Variants in LPA observed in about 807,000 individuals in gnomAD.
LPA encodes lipoprotein(a).
LPA carries 199 observed loss-of-function variants against 197.9 expected under a neutral mutation model. That is an observed-to-expected ratio of 1.01 (90% CI 0.90 to 1.13). The LOEUF (loss-of-function observed/expected upper bound fraction) is 1.13. LPA is among the 50% of genes most tolerant of loss of function. The pLI, the probability that LPA is intolerant of heterozygous loss-of-function variation, is 0.00. For missense variants in LPA, 1,853 were observed against 1,785.8 expected, an observed-to-expected ratio of 1.04 and a Z score of -0.68; for synonymous variants, 715 against 639.5, an observed-to-expected ratio of 1.12 and a Z score of -1.78.
chr6:160,584,946 A>G, intron 26 of LPA, 100 bp downstream of exon 26: 4 of 1,235,448 alleles, frequency 3.2e-6, no homozygotes, highest in South Asian at 1.2e-5. Context: ...CTCTGAGTCT[A>G]TGAGAAATTT....
Position 160,537,854 on chromosome 6 carries a change from C to T in LPA, c.5842+1G>A. 6.2e-7 allele frequency: 1 copy of T among 1,613,800 alleles called. No individual in the cohort carries two copies. The highest frequency in any genetic ancestry group is 8.5e-7 in the Non-Finnish European group (1 of 1,179,696). The stretch of plus-strand genomic sequence containing the variant: ...TACGTGGGCAATGGAATTGATCTCA[C>T]CTTGGGTTTCTCCCCAGCCAGTGAT... On this transcript the variant is annotated splice_donor_variant, in intron 37 of 38. Transcript: ENST00000316300. LOFTEE classifies it high-confidence loss of function.
intron 7 of LPA, among the ~76,000 whole-genome samples, chr6:160,634,717 C>A (rs1474113491): frequency 2.0e-5 from 3 of 152,000 alleles, no homozygotes; most frequent in African/African-American, 7.3e-5. Context: ...GCTCCAGAGC[C>A]ACATTTTTTG....
chr6:160,562,446 G>A (rs1383912379), intron 28 of LPA, among the ~76,000 whole-genome samples: 3 of 152,176 alleles, frequency 2.0e-5, no homozygotes, highest in Non-Finnish European at 4.4e-5. Context: ...TAAGCTTTTT[G>A]ATGTGCTGCT....
chr6:160,576,396 A>ATATACATATATATATATATATATGTGTG (rs1583590589), intron 28 of LPA, among the ~76,000 whole-genome samples: 1 of 46,944 alleles, frequency 2.1e-5, no homozygotes. Flanking sequence ...ATATGTATAT[A>ATATACATATATATATATATATATGTGTG]TATATATATA....
intron 28 of LPA, among the ~76,000 whole-genome samples, chr6:160,576,396 A>ATATATATATATATATATGTG (rs1778675469): frequency 6.4e-5 from 3 of 46,944 alleles, no homozygotes; most frequent in Non-Finnish European, 7.1e-5. Flanking sequence ...ATATGTATAT[A>ATATATATATATATATATGTG]TATATATATA....
chr6:160,656,082 T>G (rs1181137027), intron 1 of LPA, among the ~76,000 whole-genome samples: 1 of 152,202 alleles, frequency 6.6e-6, no homozygotes, highest in African/African-American at 2.4e-5. Context: ...CAGCTGCAAT[T>G]GGAGTCACCA....
intron 28 of LPA, among the ~76,000 whole-genome samples, chr6:160,568,588 G>A (rs551153735): frequency 2.6e-5 from 4 of 152,318 alleles, no homozygotes; most frequent in South Asian, 4.1e-4. Flanking sequence ...AGACAGGGAT[G>A]CCCTCTCTCA....
chr6:160,548,421 G>C, intron 31 of LPA, 57 bp downstream of exon 31: 1 of 1,564,154 alleles, frequency 6.4e-7, no homozygotes, highest in Non-Finnish European at 8.8e-7. Context: ...TTTTCATCCC[G>C]TTGTCCAAGC....
chr6:160,543,185 G>A (rs1434292489), intron 33 of LPA, among the ~76,000 whole-genome samples: 1 of 152,112 alleles, frequency 6.6e-6, no homozygotes, highest in African/African-American at 2.4e-5. Context: ...CAGTTCTTCT[G>A]GGGAGCCTCC....
At position 160,580,542 on chromosome 6, in the gene LPA, G is replaced by T. The variant is rs140539328; in HGVS notation, c.4290-1838C>A. Among the ~76,000 whole-genome samples the T allele has an allele frequency of 2.0e-5, 3 of 152,204 alleles. No individual in the cohort carries two copies. The East Asian group carries it at 5.8e-4, about 29-fold the overall frequency. Reference sequence around the variant, plus strand: ...AACTTCCACCAGCATATGAGAGAGTGGCACATTCTAGCTCCAAATCGGTGA... The same window carrying T: ...AACTTCCACCAGCATATGAGAGAGTTGCACATTCTAGCTCCAAATCGGTGA... On this transcript the variant is annotated intron_variant, in intron 26 of 38. Transcript: ENST00000316300.
At chr6:160,597,828 T>C (rs1779162481) in intron 20 of LPA, among the ~76,000 whole-genome samples, 2 of 152,232 alleles carry the variant, frequency 1.3e-5, no homozygotes, top group African/African-American at 4.8e-5. Context: ...TAAATGCTTT[T>C]TTATGTGTAG....
rs765540048 is a variant in LPA at position 160,531,682 on chromosome 6, G to C, written c.*47C>G. On this transcript the variant is annotated 3_prime_UTR_variant, in exon 39 of 39. Coordinates refer to ENST00000316300, the MANE Select transcript of LPA (RefSeq NM_005577.4). ...TCCAGCATGCTAAATCCTTACCCACGTTTCAGCTTCTAAGTAGGTTGATGC... is the reference window on the plus strand; with the variant it reads ...TCCAGCATGCTAAATCCTTACCCACCTTTCAGCTTCTAAGTAGGTTGATGC... The C allele has an allele frequency of 6.2e-7, 1 of 1,609,126 alleles. No individual in the cohort carries two copies. Among genetic ancestry groups the C allele is most frequent in the Non-Finnish European group, 8.5e-7 (1 of 1,175,618 alleles).
rs1357043442 is a variant in LPA, at chr6:160,576,380, A to G, written c.4631+756T>C. ...TATATATATATACATATATATATAT[A>G]TATATATATGTATATATATATATAT... On this transcript the variant is annotated intron_variant, in intron 28 of 38. Transcript: ENST00000316300. 3.1e-4 allele frequency among the ~76,000 whole-genome samples: 19 copies of G among 60,374 alleles called. 1 individual carries two copies. Among genetic ancestry groups the G allele is most frequent in the African/African-American group, 1.7e-3 (17 of 10,148 alleles). 39.6% of individuals were successfully genotyped at this position (60,374 alleles called of 152,430 possible).
chr6:160,654,063 TATTATATATAATA>T (rs1780081467), intron 1 of LPA, among the ~76,000 whole-genome samples: 1 of 37,962 alleles, frequency 2.6e-5, no homozygotes, highest in African/African-American at 1.3e-4. Flanking sequence ...ATATTATATA[TATTATATATAATA>T]TATATTATAT....
At chr6:160,542,924 G>T in intron 33 of LPA, 116 bp from the exon 34 acceptor site, 1 of 1,419,806 alleles carries the variant, frequency 7.0e-7, no homozygotes, top group Non-Finnish European at 9.9e-7. Context: ...GAAATTAAAT[G>T]GTAAAATCAT....
At chr6:160,557,191 G>T (rs957526921) in intron 29 of LPA, among the ~76,000 whole-genome samples, 199 bp downstream of exon 29, 2 of 151,836 alleles carry the variant, frequency 1.3e-5, no homozygotes, top group Non-Finnish European at 2.9e-5. Flanking sequence ...TGCCCAGGTG[G>T]GTTTGCACCA....
intron 20 of LPA, among the ~76,000 whole-genome samples, chr6:160,598,335 A>C (rs1779171826): frequency 6.6e-6 from 1 of 152,146 alleles, no homozygotes; most frequent in African/African-American, 2.4e-5. Flanking sequence ...TACTCTTAGC[A>C]TGGCTAGAAA....
intron 2 of LPA, among the ~76,000 whole-genome samples, chr6:160,648,257 A>G (rs1030784480): frequency 6.6e-6 from 1 of 152,078 alleles, no homozygotes; most frequent in Non-Finnish European, 1.5e-5. Context: ...CCCGTTCCTT[A>G]CGAGATTTTT....
intron 1 of LPA, among the ~76,000 whole-genome samples, chr6:160,656,490 T>C (rs1042415562): frequency 6.6e-5 from 10 of 152,170 alleles, no homozygotes; most frequent in Non-Finnish European, 1.0e-4. Flanking sequence ...AAAACTCCAT[T>C]AATTACCTAA....
Sources: gnomAD v4.1 joint callset for allele counts (sites outside exome capture counted in the v4.1 genomes callset) on GRCh38, gnomAD v4.1.1 for gene constraint, MANE v1.5 for transcripts, NCBI Gene and HGNC (gene_info 2026-07-23, HGNC 2026-07-21) for gene names.